The following INTS10 variants were observed in gnomAD, a reference collection of about 807,000 sequenced individuals.
INTS10 encodes chromosome 8 open reading frame 35.
INTS10 carries 44 observed loss-of-function variants against 94.4 expected under a neutral mutation model. That is an observed-to-expected ratio of 0.47 (90% CI 0.37 to 0.60). The LOEUF is 0.60. Ranked by LOEUF, INTS10 falls within the 20% of genes least tolerant of loss-of-function variation. The probability of loss-of-function intolerance (pLI) is 0.00; values close to 1 mark genes in which losing one functional copy is unlikely to be tolerated. For missense variants in INTS10, 797 were observed against 868.7 expected (o/e 0.92, Z 1.04); for synonymous variants, 341 against 320.7 (o/e 1.06, Z -0.68).
intron 9 of INTS10, among the ~76,000 whole-genome samples, chr8:19,827,809 T>G (rs190555177): frequency 5.1e-4 from 77 of 152,314 alleles, no homozygotes; most frequent in African/African-American, 1.8e-3. Flanking sequence ...TATCCCTGAG[T>G]CTGCCCCAAC....
At chr8:19,825,837 C>G (rs957370760) in intron 8 of INTS10, among the ~76,000 whole-genome samples, 1 of 152,008 alleles carries the variant, frequency 6.6e-6, no homozygotes, top group Admixed American at 6.6e-5. Flanking sequence ...GACTCATGAT[C>G]ATTATAAAAA....
intron 1 of INTS10, among the ~76,000 whole-genome samples, chr8:19,817,934 G>A (rs2066061865): frequency 6.6e-6 from 1 of 152,148 alleles, no homozygotes; most frequent in Admixed American, 6.5e-5. Context: ...GTGTGCTTAG[G>A]TCCCTGGGGC....
chr8:19,842,910 A>G lies in INTS10; in HGVS notation c.1702A>G (p.Met568Val). The change falls in exon 14 of 17, where the codon ATG (methionine) becomes GTG (valine). Residue 568 changes from methionine (M) to valine (V), a missense_variant. Met to Val is a conservative substitution (Grantham distance 21, BLOSUM62 1). Coordinates refer to ENST00000397977, the MANE Select transcript of INTS10 (RefSeq NM_018142.4). ...TATCATGCCATACTGCCTCCATTTA[A>G]TGTTAGCCTGTTTTAAGGTAAGCTT... Reference protein sequence around the residue: ...KAIMPYCLHLMLACFKLRAFT... With the variant: ...KAIMPYCLHLVLACFKLRAFT... 6.2e-7 allele frequency: 1 copy of G among 1,610,262 alleles called. No individual in the cohort carries two copies. The highest frequency in any genetic ancestry group is 8.5e-7 in the Non-Finnish European group (1 of 1,176,622).
At chr8:19,820,618 A>G (rs1352295527) in intron 4 of INTS10, 100 bp downstream of exon 4, 1 of 1,045,244 alleles carries the variant, frequency 9.6e-7, no homozygotes, top group Non-Finnish European at 1.4e-6. Context: ...GTTTCTGAAG[A>G]GTACTGGTTA....
Position 19,845,754 on chromosome 8 carries a change from A to C in INTS10, c.1933A>C (p.Lys645Gln). The C allele has an allele frequency of 1.2e-6, 2 of 1,613,966 alleles. No individual in the cohort carries two copies. The highest frequency in any genetic ancestry group is 1.7e-6 in the Non-Finnish European group (2 of 1,179,824). Residue 645 changes from lysine (K) to glutamine (Q), a missense_variant, in exon 16 of 17, where the codon AAA becomes CAA. Coordinates refer to ENST00000397977, the MANE Select transcript of INTS10 (RefSeq NM_018142.4). Reference protein sequence around the residue: ...FAYLRTQEGGKIHLELLPNQG... With the variant: ...FAYLRTQEGGQIHLELLPNQG... ...CTACTTGAGAACTCAGGAAGGTGGG[A>C]AAATTCATCTGGAATTACTACCCAA...
In INTS10 at chr8:19,822,439, G is replaced by C; in HGVS notation, c.442G>C (p.Val148Leu). The change falls in exon 5 of 17, where the codon GTT becomes CTT. Residue 148 changes from valine to leucine, a missense_variant and splice_region_variant. Physicochemically the swap from Val to Leu is conservative, Grantham distance 32. Transcript: ENST00000397977. ...AATGAGTAATTTTGTTTTGAAATAG[G>C]TTGGCCTTGGGGAGGCACTATTAGA... The part of the protein sequence containing the change: ...RFPETVVQHG[V>L]GLGEALLEAE... The C allele has an allele frequency of 6.3e-7, 1 of 1,597,132 alleles. No homozygotes were observed. The highest frequency in any genetic ancestry group is 8.6e-7 in the Non-Finnish European group (1 of 1,165,256).
intron 1 of INTS10, 54 bp downstream of exon 1, chr8:19,817,720 C>T: frequency 1.3e-6 from 2 of 1,558,760 alleles, no homozygotes; most frequent in Non-Finnish European, 1.7e-6. Flanking sequence ...GCGCTCCCGT[C>T]GCCCGGGCTG....
At chr8:19,833,748 C>A (rs913785131) in intron 12 of INTS10, among the ~76,000 whole-genome samples, 2 of 152,088 alleles carry the variant, frequency 1.3e-5, no homozygotes, top group African/African-American at 2.4e-5. Context: ...TGGCTCACAC[C>A]TATAATCCCA....
rs925820462 is a variant in INTS10, at chr8:19,818,128, G to A, written c.130-147G>A. On this transcript the variant is annotated intron_variant, in intron 1 of 16. Transcript: ENST00000397977. ...GGTCACACTCTAAGCCCAATGGCAA[G>A]TCTGCCATGTATGTGGCGCTGTGTC... The A allele has an allele frequency of 3.9e-6, 3 of 768,488 alleles. No individual in the cohort carries two copies. The African/African-American group carries it at 5.1e-5, about 13-fold the overall frequency. The allele number at this position is 768,488 out of a possible 1,614,324, so 47.6% of individuals were successfully genotyped here. A position where few individuals can be genotyped will look rare whatever the true frequency, so the allele number is the denominator to read the frequency against.
Position 19,838,351 on chromosome 8 carries a change from AAAAG to A in INTS10, c.1639+1199_1639+1202del, listed in dbSNP as rs1273813918. ...AGCCTGGTCAACACAACCAGACTCA[AAAAG>A]AAAGAAAAGAAATCAGAATGTTCAA... is the stretch of plus-strand genomic sequence containing the variant. On this transcript the variant is annotated intron_variant, in intron 13 of 16. Transcript: ENST00000397977. 3.3e-5 allele frequency among the ~76,000 whole-genome samples: 5 copies of A among 152,308 alleles called. No homozygotes were observed. The Middle Eastern group carries it at 0.014, about 414-fold the overall frequency.
At chr8:19,833,036 C>A in intron 11 of INTS10, 133 bp from the exon 12 acceptor site, 1 of 630,262 alleles carries the variant, frequency 1.6e-6, no homozygotes, top group Non-Finnish European at 2.5e-6. Context: ...GTTTCTTCCT[C>A]AGATGATCAA....
At chr8:19,817,887 C>T (rs1417439087) in intron 1 of INTS10, among the ~76,000 whole-genome samples, 1 of 151,994 alleles carries the variant, frequency 6.6e-6, no homozygotes, top group Non-Finnish European at 1.5e-5. Context: ...GCCCTCTCCC[C>T]AGCACTTGAG....
chr8:19,820,521 G>A lies in INTS10; in HGVS notation c.441+3G>A, dbSNP rs573007049. The A allele has an allele frequency of 6.2e-7, 1 of 1,605,288 alleles. No individual in the cohort carries two copies. The highest frequency in any genetic ancestry group is 1.7e-5 in the Admixed American group (1 of 59,152). On this transcript the variant is annotated splice_donor_region_variant and intron_variant, in intron 4 of 16. Transcript: ENST00000397977. ...CTGAAACGGTGGTGCAGCATGGGGT[G>A]AGATTTGATTCTTCCCCTTCTTTTA... is the stretch of plus-strand genomic sequence containing the variant.
At chr8:19,840,016 T>C (rs529383381) in intron 13 of INTS10, among the ~76,000 whole-genome samples, 39 of 132,270 alleles carry the variant, frequency 2.9e-4, no homozygotes, top group Non-Finnish European at 5.6e-4. Context: ...TGAGCCAAGA[T>C]TGCACCACTG....
chr8:19,827,220 C>A (rs2066870051), intron 9 of INTS10, among the ~76,000 whole-genome samples: 1 of 152,128 alleles, frequency 6.6e-6, no homozygotes, highest in Middle Eastern at 3.2e-3. Flanking sequence ...CCCTGCCTCC[C>A]AGCCTCTGCC....
chr8:19,833,734 G>A (rs1393532406), intron 12 of INTS10, among the ~76,000 whole-genome samples: 1 of 152,154 alleles, frequency 6.6e-6, no homozygotes, highest in Non-Finnish European at 1.5e-5. Context: ...ACGCCCGGGT[G>A]TGGTGGCTCA....
intron 10 of INTS10, among the ~76,000 whole-genome samples, chr8:19,831,396 A>C (rs575421861): frequency 6.6e-6 from 1 of 152,318 alleles, no homozygotes; most frequent in Non-Finnish European, 1.5e-5. Context: ...TTAGGTCAAA[A>C]TAAAATGGGC....
chr8:19,833,730 G>C (rs148946633), intron 12 of INTS10, among the ~76,000 whole-genome samples: 1 of 152,090 alleles, frequency 6.6e-6, no homozygotes, highest in Non-Finnish European at 1.5e-5. Flanking sequence ...TAACACGCCC[G>C]GGTGTGGTGG....
At chr8:19,842,636 G>A (rs2068219758) in intron 13 of INTS10, among the ~76,000 whole-genome samples, 1 of 152,090 alleles carries the variant, frequency 6.6e-6, no homozygotes, top group Non-Finnish European at 1.5e-5. Flanking sequence ...GCAAGTTTAG[G>A]AAAGAATATT....
Sources: allele counts gnomAD v4.1 joint callset (sites outside exome capture counted in the v4.1 genomes callset), GRCh38; gene constraint gnomAD v4.1.1; transcripts MANE v1.5; gene names NCBI Gene and HGNC (gene_info 2026-07-23, HGNC 2026-07-21).